Variants in PPP1R15B observed in about 807,000 individuals in gnomAD.
The protein encoded by PPP1R15B is protein phosphatase 1 regulatory subunit 15B.
In PPP1R15B, 31 loss-of-function variants were observed where a neutral mutation model predicts 53.9. The ratio of observed to expected loss-of-function variants is 0.58; its 90% CI spans 0.43 to 0.78. The LOEUF (loss-of-function observed/expected upper bound fraction) is 0.78. PPP1R15B is among the 30% of genes least tolerant of loss of function. PPP1R15B has a pLI of 0.00. For synonymous variants in PPP1R15B, 345 were observed against 329.1 expected (o/e 1.05, Z -0.52); for missense variants, 928 against 849.6 (o/e 1.09, Z -1.15).
chr1:204,409,598 A>T lies in PPP1R15B; in HGVS notation c.1814T>A (p.Leu605His), dbSNP rs1490694859. Residue 605 changes from leucine to histidine, a missense_variant, in exon 1 of 2, where the codon CTT becomes CAT. By Grantham distance (99) the Leu-to-His change is moderately conservative (BLOSUM62 -3). Coordinates refer to ENST00000367188, the MANE Select transcript of PPP1R15B (RefSeq NM_032833.5). ...IVAISECHTL[L>H]SCKVQLLGSQ... ...CCCCAACAGCTGCACCTTACAAGAA[A>T]GTAAGGTGTGACACTCAGAAATGGC... The T allele has an allele frequency of 6.2e-7, 1 of 1,614,168 alleles. No individual in the cohort carries two copies. The highest frequency in any genetic ancestry group is 2.2e-5 in the East Asian group (1 of 44,888).
At chr1:204,400,814 A>C, downstream of PPP1R15B, 1 of 671,800 alleles carries the variant, frequency 1.5e-6, no homozygotes, top group Non-Finnish European at 1.8e-6. Context: ...TGAAAATAAA[A>C]TATTCAGCAA....
At chr1:204,407,007 G>C (rs1411546433) in intron 1 of PPP1R15B, among the ~76,000 whole-genome samples, 1 of 151,720 alleles carries the variant, frequency 6.6e-6, no homozygotes, top group Non-Finnish European at 1.5e-5. Flanking sequence ...TTAATCCTTA[G>C]GGAAATACAG....
rs376019910 is a variant in PPP1R15B at position 204,409,494 on chromosome 1, T to C, written c.1918A>G (p.Lys640Glu). The C allele has an allele frequency of 2.6e-5, 41 of 1,603,984 alleles. No homozygotes were observed. The highest frequency in any genetic ancestry group is 3.4e-5 in the Non-Finnish European group (40 of 1,175,736). The change falls in exon 1 of 2, where the codon AAG becomes GAG. Residue 640 changes from lysine to glutamate, a missense_variant and splice_region_variant. Lys to Glu is a moderately conservative substitution (Grantham distance 56). Coordinates refer to ENST00000367188, the MANE Select transcript of PPP1R15B (RefSeq NM_032833.5). The part of the protein sequence containing the change: ...GGRHTHVKRK[K>E]VTFLEEVTEY... ...ATGTTAAAAGACAAGAAACAAACCT[T>C]TTTTCTTTTGACATGTGTGTGTCTT...
In PPP1R15B at chr1:204,410,213, C is replaced by A. The variant is rs1674341685; in HGVS notation, c.1199G>T (p.Arg400Leu). The change falls in exon 1 of 2, where the codon CGA becomes CTA. Residue 400 changes from arginine to leucine, a missense_variant. By Grantham distance (102) the Arg-to-Leu change is moderately radical. Coordinates refer to ENST00000367188, the MANE Select transcript of PPP1R15B (RefSeq NM_032833.5). ...GTATGAGTAATCAACTACACTTATT[C>A]GGCCCTCTCCAGGCTCCTTTTCCAT... ...IPMEKEPGEG[R>L]ISVVDYSYLE... 1.9e-6 allele frequency: 3 copies of A among 1,613,934 alleles called. No homozygotes were observed. The African/African-American group carries it at 4.0e-5, about 22-fold the overall frequency.
At chr1:204,409,409 A>C in intron 1 of PPP1R15B, 83 bp downstream of exon 1, 1 of 1,461,470 alleles carries the variant, frequency 6.8e-7, no homozygotes. Context: ...ATGCACTCCT[A>C]AGCCTCCAAA....
downstream of PPP1R15B, among the ~76,000 whole-genome samples, chr1:204,399,381 T>C (rs1457247968): frequency 6.6e-6 from 1 of 152,018 alleles, no homozygotes; most frequent in Non-Finnish European, 1.5e-5. Context: ...GGCAACATGG[T>C]GAAACCCCAT....
intron 1 of PPP1R15B, among the ~76,000 whole-genome samples, chr1:204,409,019 GTTGTA>G: frequency 1.3e-5 from 2 of 152,240 alleles, no homozygotes; most frequent in South Asian, 4.1e-4. Flanking sequence ...ATCCCTTTGG[GTTGTA>G]ATGGACAGGA....
rs1674248682 is a variant in PPP1R15B at position 204,405,468 on chromosome 1, A to C, written c.*624T>G. The C allele has an allele frequency of 1.0e-6, 1 of 983,552 alleles. No individual in the cohort carries two copies. 60.9% of individuals were successfully genotyped at this position (983,552 alleles called of 1,614,324 possible). On this transcript the variant is annotated 3_prime_UTR_variant, in exon 2 of 2. Coordinates refer to ENST00000367188, the MANE Select transcript of PPP1R15B (RefSeq NM_032833.5). ...CAGTCCTTGGAAATATCCTAGGTAG[A>C]ACTTAATGTAGAAATAAAAAGGCTA...
At chr1:204,400,726 G>A (rs1674166881), downstream of PPP1R15B, 6 of 980,182 alleles carry the variant, frequency 6.1e-6, no homozygotes, top group South Asian at 1.9e-4. Context: ...CTTTCTTCTC[G>A]CATCTCTGGC....
At chr1:204,403,098 CAG>C (rs968016023), downstream of PPP1R15B, among the ~76,000 whole-genome samples, 6 of 152,142 alleles carry the variant, frequency 3.9e-5, no homozygotes, top group African/African-American at 1.2e-4. Context: ...ATGCACAAAA[CAG>C]AGATTTCCCT....
At position 204,405,040 on chromosome 1, in the gene PPP1R15B, T is replaced by A. The variant is rs1674241306; in HGVS notation, c.*1052A>T. On this transcript the variant is annotated 3_prime_UTR_variant, in exon 2 of 2. Transcript: ENST00000367188. ...TTGACTGAAGTTTATATTTTACATTTCAAACGTGAAAATTCAGAACTGCCC... is the reference window on the plus strand; with the variant it reads ...TTGACTGAAGTTTATATTTTACATTACAAACGTGAAAATTCAGAACTGCCC... 1.0e-6 allele frequency: 1 copy of A among 985,690 alleles called. No individual in the cohort carries two copies. Among genetic ancestry groups the A allele is most frequent in the Non-Finnish European group, 1.2e-6 (1 of 829,884 alleles). 61.1% of individuals were successfully genotyped at this position (985,690 alleles called of 1,614,324 possible). A position where few individuals can be genotyped will look rare whatever the true frequency, so the allele number is the denominator to read the frequency against.
At chr1:204,397,168 C>A (rs1274503531), downstream of PPP1R15B, among the ~76,000 whole-genome samples, 5 of 148,700 alleles carry the variant, frequency 3.4e-5, no homozygotes, top group Admixed American at 1.3e-4. Context: ...AGCTTGGCAA[C>A]AGAGCAAGGT....
chr1:204,399,345 G>A (rs1266388582), downstream of PPP1R15B, among the ~76,000 whole-genome samples: 1 of 152,122 alleles, frequency 6.6e-6, no homozygotes, highest in Non-Finnish European at 1.5e-5. Context: ...GGCAGCTCAT[G>A]AGCCCAAGAG....
intron 1 of PPP1R15B, 38 bp downstream of exon 1, chr1:204,409,454 C>A: frequency 6.4e-7 from 1 of 1,561,324 alleles, no homozygotes; most frequent in South Asian, 1.2e-5. Context: ...TAAAAACAGT[C>A]AGAACATATC....
rs79767868 is a variant in PPP1R15B at position 204,411,733 on chromosome 1, G to A, written c.-322C>T. The stretch of plus-strand genomic sequence containing the variant: ...CGGCCTCGGCGATGGTTTTCCGACT[G>A]ACAGAGGGTTGAAAAGCCCCTGAGC... On this transcript the variant is annotated 5_prime_UTR_variant, in exon 1 of 2. Coordinates refer to ENST00000367188, the MANE Select transcript of PPP1R15B (RefSeq NM_032833.5). 2 of 426,496 alleles carry A rather than the reference G, an allele frequency of 4.7e-6. No homozygotes were observed. The highest frequency in any genetic ancestry group is 2.7e-5 in the South Asian group (1 of 36,758). 26.4% of individuals were successfully genotyped at this position (426,496 alleles called of 1,614,324 possible). A position where few individuals can be genotyped will look rare whatever the true frequency, so the allele number is the denominator to read the frequency against.
rs777614636 is a variant in PPP1R15B at position 204,411,400 on chromosome 1, C to T, written c.12G>A (p.Gly4=). The change falls in exon 1 of 2, where the codon GGG becomes GGA. Residue 4 remains glycine (G), a synonymous_variant. Coordinates refer to ENST00000367188, the MANE Select transcript of PPP1R15B (RefSeq NM_032833.5). MEP[G]TGGSRKRLGP... The stretch of plus-strand genomic sequence containing the variant: ...CAAGCCGTTTCCGCGATCCGCCTGT[C>T]CCCGGCTCCATCTCCTTTTTCTTGA... 6.2e-7 allele frequency: 1 copy of T among 1,611,998 alleles called. No individual in the cohort carries two copies. Among genetic ancestry groups the T allele is most frequent in the Admixed American group, 1.7e-5 (1 of 59,940 alleles).
At chr1:204,400,713 GTCCTT>G, downstream of PPP1R15B, 2 of 974,752 alleles carry the variant, frequency 2.1e-6, no homozygotes, top group Non-Finnish European at 2.4e-6. Flanking sequence ...ACCGTGTGAG[GTCCTT>G]TCTTCTCGCA....
rs1216633518 is a variant in PPP1R15B at position 204,404,111 on chromosome 1, G to A, written c.*1981C>T. 3 of 985,368 alleles carry A rather than the reference G, an allele frequency of 3.0e-6. No homozygotes were observed. The highest frequency in any genetic ancestry group is 1.7e-5 in the African/African-American group (1 of 57,336). The allele number at this position is 985,368 out of a possible 1,614,324, so 61.0% of individuals were successfully genotyped here. A position where few individuals can be genotyped will look rare whatever the true frequency, so the allele number is the denominator to read the frequency against. On this transcript the variant is annotated 3_prime_UTR_variant, in exon 2 of 2. Coordinates refer to ENST00000367188, the MANE Select transcript of PPP1R15B (RefSeq NM_032833.5). Reference sequence around the variant, plus strand: ...AAAGGCTTTTTTCAAGGCAAATGACGCCTGCTTTCCAACCGACATTGCTGT... The same window carrying A: ...AAAGGCTTTTTTCAAGGCAAATGACACCTGCTTTCCAACCGACATTGCTGT...
Position 204,411,616 on chromosome 1 carries a change from A to AT in PPP1R15B, c.-206dup. ...AACACAGGGAAGAACAGCCCGCGCA[A>AT]TAGGCGGCGACTGATGCGACTTCCA... On this transcript the variant is annotated 5_prime_UTR_variant, in exon 1 of 2. The change creates a premature stop within an existing upstream ORF in the 5' untranslated region. Transcript: ENST00000367188. The AT allele has an allele frequency of 1.5e-6, 1 of 650,240 alleles. No homozygotes were observed. The allele number at this position is 650,240 out of a possible 1,614,324, so 40.3% of individuals were successfully genotyped here. A position where few individuals can be genotyped will look rare whatever the true frequency, so the allele number is the denominator to read the frequency against.
Sources: gnomAD v4.1 joint callset for allele counts (sites outside exome capture counted in the v4.1 genomes callset) on GRCh38, gnomAD v4.1.1 for gene constraint, MANE v1.5 for transcripts, NCBI Gene and HGNC (gene_info 2026-07-23, HGNC 2026-07-21) for gene names.